MYBBP1A: variants seen among roughly 807,000 people sequenced by gnomAD.
MYBBP1A encodes the protein MYB binding protein 1a.
Under a neutral mutation model 136.3 loss-of-function variants are expected in MYBBP1A, and 147 were observed. The observed-to-expected ratio is 1.08, with a 90% CI of 0.94 to 1.24. The LOEUF (loss-of-function observed/expected upper bound fraction) is 1.24. Ranked by LOEUF, MYBBP1A falls within the 50% of genes most tolerant of loss-of-function variation. The probability of loss-of-function intolerance (pLI) is 0.00; values close to 1 mark genes in which losing one functional copy is unlikely to be tolerated. For missense variants in MYBBP1A, 2,060 were observed against 1,727.4 expected (o/e 1.19, Z -3.41); for synonymous variants, 947 against 735.8 (o/e 1.29, Z -4.65).
At chr17:4,542,776 G>A in intron 20 of MYBBP1A, 35 bp from the exon 21 acceptor site, 1 of 1,609,654 alleles carries the variant, frequency 6.2e-7, no homozygotes, top group East Asian at 2.2e-5. Context: ...GTGAGGCCAG[G>A]AGAGGGGTCC....
chr17:4,555,077 C>T (rs1907908977), intron 1 of MYBBP1A, 50 bp downstream of exon 1: 3 of 1,567,634 alleles, frequency 1.9e-6, no homozygotes, highest in Non-Finnish European at 2.6e-6. Flanking sequence ...CCCGCCGCCG[C>T]TTCCTTGCCG....
rs181039881 is a variant in MYBBP1A at position 4,543,118 on chromosome 17, C to T, written c.2687G>A (p.Arg896His). The T allele has an allele frequency of 2.2e-5, 36 of 1,612,006 alleles. No individual in the cohort carries two copies. Among genetic ancestry groups the T allele is most frequent in the Admixed American group, 1.0e-4 (6 of 59,958 alleles). ...CACCTGGGCGTGCAGGGCCCCTGCG[C>T]GCTCACCCAAGTCGTGGCAGTAGCG... ...ARRYCHDLGE[R>H]AGALHAQVER... The change falls in exon 20 of 26, where the codon CGC becomes CAC. Residue 896 changes from arginine (R) to histidine (H), a missense_variant. Coordinates refer to ENST00000254718, the MANE Select transcript of MYBBP1A (RefSeq NM_014520.4).
chr17:4,545,233 C>T (rs1175767713), intron 16 of MYBBP1A, 26 bp downstream of exon 16: 5 of 1,612,790 alleles, frequency 3.1e-6, no homozygotes, highest in Non-Finnish European at 4.2e-6. Flanking sequence ...TCCCCACCGC[C>T]CCCGCCCGGC....
Position 4,554,081 on chromosome 17 carries a change from G to T in MYBBP1A, c.391C>A (p.Pro131Thr), listed in dbSNP as rs780049094. Residue 131 changes from proline (P) to threonine (T), a missense_variant, in exon 4 of 26, where the codon CCT becomes ACT. Coordinates refer to ENST00000254718, the MANE Select transcript of MYBBP1A (RefSeq NM_014520.4). ...CCAAACAGGTTTGCAAAGAGAGCAG[G>T]TCTCAGCATTGCCTAGAAAAGGATT... ...LHQVKKAMLRPALFANLFGVL... is the reference protein window; with the variant it reads ...LHQVKKAMLRTALFANLFGVL... 1.7e-5 allele frequency: 27 copies of T among 1,613,920 alleles called. No homozygotes were observed. The Admixed American group carries it at 4.3e-4, about 26-fold the overall frequency.
chr17:4,542,808 G>A, intron 20 of MYBBP1A, 67 bp from the exon 21 acceptor site: 4 of 1,602,540 alleles, frequency 2.5e-6, no homozygotes, highest in Non-Finnish European at 3.4e-6. Flanking sequence ...GCAGAGCCTG[G>A]CCTACCTTCA....
At position 4,539,987 on chromosome 17, in the gene MYBBP1A, G is replaced by A; in HGVS notation, c.3435-20C>T. The A allele has an allele frequency of 6.3e-7, 1 of 1,590,258 alleles. No individual in the cohort carries two copies. The highest frequency in any genetic ancestry group is 8.5e-7 in the Non-Finnish European group (1 of 1,173,740). Reference sequence around the variant, plus strand: ...GGGCGCCTGAAGGGAAGTGAGCAAGGTTAGAAGGTGCCCATCGAGGGCAGC... The same window carrying A: ...GGGCGCCTGAAGGGAAGTGAGCAAGATTAGAAGGTGCCCATCGAGGGCAGC... On this transcript the variant is annotated intron_variant, in intron 25 of 25. Coordinates refer to ENST00000254718, the MANE Select transcript of MYBBP1A (RefSeq NM_014520.4).
At chr17:4,545,806 C>T (rs1906961055) in intron 14 of MYBBP1A, 40 bp downstream of exon 14, 2 of 1,609,756 alleles carry the variant, frequency 1.2e-6, no homozygotes, top group Non-Finnish European at 8.5e-7. Context: ...CCGCTGGCCC[C>T]ACCCCACCAC....
Position 4,540,380 on chromosome 17 carries a change from G to C in MYBBP1A, c.3402C>G (p.Leu1134=). The change falls in exon 25 of 26, where the codon CTC becomes CTG. Residue 1134 remains leucine, a synonymous_variant. Transcript: ENST00000254718. ...HSTGSSRLHD[L]YWQAMKTLGV... is the part of the protein sequence containing the mutation. ...CCAGGGTTTTCATGGCCTGCCAGTA[G>C]AGGTCGTGCAGGCGGCTGGAGCCGG... The C allele has an allele frequency of 6.2e-7, 1 of 1,609,762 alleles. No individual in the cohort carries two copies. Among genetic ancestry groups the C allele is most frequent in the South Asian group, 1.1e-5 (1 of 91,060 alleles).
rs1219609127 is a variant in MYBBP1A at position 4,539,250 on chromosome 17, G to A, written c.*165C>T. On this transcript the variant is annotated 3_prime_UTR_variant, in exon 26 of 26. Coordinates refer to ENST00000254718, the MANE Select transcript of MYBBP1A (RefSeq NM_014520.4). The stretch of plus-strand genomic sequence containing the variant: ...GACCCCTGCAGGAATGGCTCAGGCT[G>A]TGCTTGCCAGAGCAGGATGCCCGGG... 71 of 1,483,934 alleles carry A rather than the reference G, an allele frequency of 4.8e-5. No homozygotes were observed. Among genetic ancestry groups the A allele is most frequent in the Non-Finnish European group, 5.8e-5 (66 of 1,128,870 alleles). 91.9% of individuals were successfully genotyped at this position (1,483,934 alleles called of 1,614,324 possible).
intron 15 of MYBBP1A, 66 bp downstream of exon 15, chr17:4,545,543 AC>A (rs1461232028): frequency 1.3e-6 from 2 of 1,527,470 alleles, no homozygotes; most frequent in African/African-American, 2.8e-5. Flanking sequence ...CTGAAGCGGC[AC>A]CCCTGGTGCA....
chr17:4,549,259 C>G, intron 10 of MYBBP1A, 73 bp downstream of exon 10: 4 of 1,347,024 alleles, frequency 3.0e-6, no homozygotes, highest in Non-Finnish European at 4.1e-6. Flanking sequence ...GGGATGCAAA[C>G]TAGGACGAGT....
In MYBBP1A at chr17:4,539,564, C is replaced by T; in HGVS notation, c.3838G>A (p.Ala1280Thr). 1 of 1,614,130 alleles carries T rather than the reference C, an allele frequency of 6.2e-7. No individual in the cohort carries two copies. Among genetic ancestry groups the T allele is most frequent in the Non-Finnish European group, 8.5e-7 (1 of 1,180,020 alleles). Residue 1280 changes from alanine to threonine, a missense_variant, in exon 26 of 26, where the codon GCT becomes ACT. Transcript: ENST00000254718. ...CCCAAGACCCCCTTTTTGGGAAGAG[C>T]CTTCTGATGCTGCTTTTGGCCTGCA... ...EPAGQKQHQKALPKKGVLGKS... is the reference protein window; with the variant it reads ...EPAGQKQHQKTLPKKGVLGKS...
chr17:4,545,832 G>A lies in MYBBP1A; in HGVS notation c.1921+14C>T, dbSNP rs1206451631. On this transcript the variant is annotated intron_variant, in intron 14 of 25. Transcript: ENST00000254718. ...ACCCCACCACTCTAGTCCCTCTCGT[G>A]ACCAAGGACCCACCGATGGTCTTGG... 1 of 1,612,492 alleles carries A rather than the reference G, an allele frequency of 6.2e-7. No individual in the cohort carries two copies. Among genetic ancestry groups the A allele is most frequent in the Admixed American group, 1.7e-5 (1 of 59,910 alleles).
rs1382141384 is a variant in MYBBP1A at position 4,549,460 on chromosome 17, G to A, written c.1320-18C>T. ...GCTCAGGCCTAGCGGGGCAGGAGGC[G>A]AGGTCATGTGAGCCACTTATAACTG... On this transcript the variant is annotated intron_variant, in intron 9 of 25. Coordinates refer to ENST00000254718, the MANE Select transcript of MYBBP1A (RefSeq NM_014520.4). 19 of 1,604,412 alleles carry A rather than the reference G, an allele frequency of 1.2e-5. No homozygotes were observed. The highest frequency in any genetic ancestry group is 1.5e-5 in the Non-Finnish European group (18 of 1,175,464).
rs778947883 is a variant in MYBBP1A, at chr17:4,548,635, T to A, written c.1445A>T (p.His482Leu). ...TEQVARFCLF[H>L]SFFVTKKPTS... ...GGGCTTCTTTGTGACAAAGAACGAG[T>A]GGAACAAACAAAACCTGGGGAGGGT... Residue 482 changes from histidine (H) to leucine (L), a missense_variant, in exon 11 of 26, where the codon CAC becomes CTC. By Grantham distance (99) the His-to-Leu change is moderately conservative. Coordinates refer to ENST00000254718, the MANE Select transcript of MYBBP1A (RefSeq NM_014520.4). The surrounding 1 kb of genome is among the most constrained non-coding windows in gnomAD (Gnocchi z 4.2). 6.2e-7 allele frequency: 1 copy of A among 1,613,710 alleles called. No homozygotes were observed. The highest frequency in any genetic ancestry group is 8.5e-7 in the Non-Finnish European group (1 of 1,179,892).
intron 13 of MYBBP1A, among the ~76,000 whole-genome samples, chr17:4,546,970 G>A (rs1452813942): frequency 6.6e-6 from 1 of 151,016 alleles, no homozygotes; most frequent in African/African-American, 2.4e-5. Flanking sequence ...GGAGTACAGT[G>A]GTGTCATCTC....
intron 2 of MYBBP1A, 48 bp from the exon 3 acceptor site, chr17:4,554,326 C>T (rs370218248): frequency 7.5e-5 from 115 of 1,533,400 alleles, no homozygotes; most frequent in African/African-American, 2.2e-4. Flanking sequence ...GAGAGTGGCC[C>T]AACTACGTCT....
chr17:4,550,657 T>C (rs548992299), intron 8 of MYBBP1A, among the ~76,000 whole-genome samples: 23 of 152,372 alleles, frequency 1.5e-4, no homozygotes, highest in Non-Finnish European at 2.4e-4. Context: ...AGAAGGCCCC[T>C]CTTTCCGCCT....
chr17:4,544,224 C>T (rs1906736656), intron 19 of MYBBP1A, among the ~76,000 whole-genome samples: 1 of 152,008 alleles, frequency 6.6e-6, no homozygotes, highest in Non-Finnish European at 1.5e-5. Context: ...GGCACAGCCC[C>T]ACTTGAGACT....
Sources: gnomAD v4.1 joint callset for allele counts (sites outside exome capture counted in the v4.1 genomes callset) on GRCh38, gnomAD v4.1.1 for gene constraint, Gnocchi (gnomAD v3.1) non-coding constraint, MANE v1.5 for transcripts, NCBI Gene and HGNC (gene_info 2026-07-23, HGNC 2026-07-21) for gene names.